LYPLAL1: variants seen among roughly 807,000 people sequenced by gnomAD.
LYPLAL1 encodes the protein lysophospholipase-like protein 1.
LYPLAL1 carries 23 observed loss-of-function variants against 19.7 expected under a neutral mutation model. That is an observed-to-expected ratio of 1.17 (90% CI 0.84 to 1.65). The LOEUF (loss-of-function observed/expected upper bound fraction) is 1.65. LYPLAL1 is among the 40% of genes most tolerant of loss of function. LYPLAL1 has a pLI of 0.00. For missense variants in LYPLAL1, 355 were observed against 279.4 expected, an observed-to-expected ratio of 1.27 and a Z score of -1.93; for synonymous variants, 119 against 96.3, an observed-to-expected ratio of 1.24 and a Z score of -1.38.
At chr1:219,419,669 G>T in the LYPLAL1 span, among the ~76,000 whole-genome samples, 1 of 151,750 alleles carries the variant, frequency 6.6e-6, no homozygotes, top group Non-Finnish European at 1.5e-5. Context: ...TGGACCAAGG[G>T]GATGTTTATG....
chr1:219,214,075 T>G (rs1659199297), downstream of LYPLAL1, among the ~76,000 whole-genome samples: 1 of 152,142 alleles, frequency 6.6e-6, no homozygotes, highest in African/African-American at 2.4e-5. Flanking sequence ...TGTTCCTGCT[T>G]TTCTGAGAGT....
chr1:219,280,821 G>A, the LYPLAL1 span, among the ~76,000 whole-genome samples: 2 of 152,120 alleles, frequency 1.3e-5, no homozygotes, highest in East Asian at 3.9e-4. Flanking sequence ...GCCTAGACAG[G>A]CAAAATACCC....
At chr1:219,232,155 T>G in the LYPLAL1 span, among the ~76,000 whole-genome samples, 1 of 152,226 alleles carries the variant, frequency 6.6e-6, no homozygotes, top group Non-Finnish European at 1.5e-5. Context: ...TATTTTTTAC[T>G]ACCTGTGTTC....
At chr1:219,271,535 G>C in the LYPLAL1 span, 1 of 152,156 alleles carries the variant, frequency 6.6e-6, no homozygotes, top group East Asian at 1.9e-4. Context: ...CCAATTAAAA[G>C]AATATGCATT....
At chr1:219,232,125 T>C in the LYPLAL1 span, among the ~76,000 whole-genome samples, 7 of 152,204 alleles carry the variant, frequency 4.6e-5, no homozygotes, top group Non-Finnish European at 1.0e-4. Flanking sequence ...GCTTTCATAC[T>C]GTGTTTGTTT....
the LYPLAL1 span, among the ~76,000 whole-genome samples, chr1:219,349,033 G>T: frequency 6.6e-6 from 1 of 152,134 alleles, no homozygotes; most frequent in Non-Finnish European, 1.5e-5. Flanking sequence ...ATGCAGTAGG[G>T]AACATCATTT....
At chr1:219,438,611 C>T in the LYPLAL1 span, among the ~76,000 whole-genome samples, 5 of 152,058 alleles carry the variant, frequency 3.3e-5, no homozygotes, top group African/African-American at 1.2e-4. Context: ...TTGGGGATTC[C>T]CACACAACAA....
the LYPLAL1 span, among the ~76,000 whole-genome samples, chr1:219,328,803 T>C: frequency 0.051 from 7,773 of 152,254 alleles, 411 homozygotes; most frequent in East Asian, 0.26. Context: ...AAAGTACTTT[T>C]GTTGCAATTA....
chr1:219,427,253 G>T, the LYPLAL1 span, among the ~76,000 whole-genome samples: 4 of 152,198 alleles, frequency 2.6e-5, no homozygotes, highest in Admixed American at 2.0e-4. Flanking sequence ...GAACTCAAAT[G>T]AAAAAGACTT....
At chr1:219,353,111 C>G in the LYPLAL1 span, among the ~76,000 whole-genome samples, 1 of 152,076 alleles carries the variant, frequency 6.6e-6, no homozygotes, top group Middle Eastern at 3.2e-3. Context: ...GAAGTGAAAC[C>G]GAGGATGTAA....
chr1:219,263,926 G>A, the LYPLAL1 span, among the ~76,000 whole-genome samples: 1 of 152,234 alleles, frequency 6.6e-6, no homozygotes, highest in South Asian at 2.1e-4. Flanking sequence ...CGCAGGATCT[G>A]TGAACTCTTT....
the LYPLAL1 span, among the ~76,000 whole-genome samples, chr1:219,245,048 T>C: frequency 6.6e-6 from 1 of 151,256 alleles, no homozygotes; most frequent in Non-Finnish European, 1.5e-5. Context: ...TCCTTCTCTT[T>C]CCTTTTCTTT....
At chr1:219,329,756 A>G in the LYPLAL1 span, among the ~76,000 whole-genome samples, 2 of 152,098 alleles carry the variant, frequency 1.3e-5, no homozygotes, top group South Asian at 2.1e-4. Flanking sequence ...GCAATGAACA[A>G]TTTTCTTTCT....
At chr1:219,230,568 A>G in the LYPLAL1 span, among the ~76,000 whole-genome samples, 1 of 152,240 alleles carries the variant, frequency 6.6e-6, no homozygotes, top group Non-Finnish European at 1.5e-5. Flanking sequence ...CAAGAAAAAT[A>G]TGTATCAAGC....
chr1:219,361,243 T>C, the LYPLAL1 span, among the ~76,000 whole-genome samples: 1 of 152,188 alleles, frequency 6.6e-6, no homozygotes, highest in African/African-American at 2.4e-5. Context: ...GTATGCCCTA[T>C]GTTCTTTTAC....
the LYPLAL1 span, among the ~76,000 whole-genome samples, chr1:219,349,619 A>ATGTGTGTATGCATGTT: frequency 6.6e-6 from 1 of 152,116 alleles, no homozygotes; most frequent in African/African-American, 2.4e-5. Flanking sequence ...TCATGTGCAT[A>ATGTGTGTATGCATGTT]TGTGTGTATG....
the LYPLAL1 span, among the ~76,000 whole-genome samples, chr1:219,356,177 A>G: frequency 1.3e-5 from 2 of 152,184 alleles, no homozygotes; most frequent in African/African-American, 4.8e-5. Context: ...AAATTTAAAT[A>G]AATAAATAAA....
At chr1:219,409,900 AT>A in the LYPLAL1 span, 1 of 152,146 alleles carries the variant, frequency 6.6e-6, no homozygotes, top group African/African-American at 2.4e-5. Context: ...AGTCTCTTCC[AT>A]TTTCACTTTA....
At chr1:219,337,228 C>T in the LYPLAL1 span, among the ~76,000 whole-genome samples, 1 of 151,902 alleles carries the variant, frequency 6.6e-6, no homozygotes, top group African/African-American at 2.4e-5. Context: ...TATACAAAAT[C>T]CCTTTTACAT....
Sources: allele counts gnomAD v4.1 joint callset (sites outside exome capture counted in the v4.1 genomes callset), GRCh38; gene constraint gnomAD v4.1.1; transcripts MANE v1.5; gene names NCBI Gene and HGNC (gene_info 2026-07-23, HGNC 2026-07-21).